The following SMIM14 variants were observed in gnomAD, a reference collection of about 807,000 sequenced individuals.
SMIM14 encodes the protein small integral membrane protein 14, also known as chromosome 4 open reading frame 34.
Under a neutral mutation model 12.6 loss-of-function variants are expected in SMIM14, and 5 were observed. That is an observed-to-expected ratio of 0.40 (90% CI 0.21 to 0.83). The LOEUF (loss-of-function observed/expected upper bound fraction) is 0.83, where lower values mean the gene tolerates loss of function less well. Ranked by LOEUF, SMIM14 falls within the 40% of genes least tolerant of loss-of-function variation. The pLI is 0.37. For missense variants in SMIM14, 86 were observed against 119.1 expected, an observed-to-expected ratio of 0.72 and a Z score of 1.29; for synonymous variants, 30 against 40.1, an observed-to-expected ratio of 0.75 and a Z score of 0.95.
chr4:39,598,497 T>C (rs1262043635), intron 2 of SMIM14, among the ~76,000 whole-genome samples: 3 of 152,178 alleles, frequency 2.0e-5, no homozygotes, highest in African/African-American at 7.2e-5. Context: ...TACCCATAGA[T>C]GTACCAGTAT....
intron 1 of SMIM14, among the ~76,000 whole-genome samples, chr4:39,618,456 G>A (rs1462765939): frequency 6.6e-6 from 1 of 151,932 alleles, no homozygotes; most frequent in Non-Finnish European, 1.5e-5. Context: ...AGATCAGCCT[G>A]GCCAAGATGG....
At position 39,551,860 on chromosome 4, in the gene SMIM14, G is replaced by A. The variant is rs1711731149; in HGVS notation, c.*266C>T. 3.4e-6 allele frequency: 1 copy of A among 291,064 alleles called. No individual in the cohort carries two copies. The highest frequency in any genetic ancestry group is 6.3e-6 in the Non-Finnish European group (1 of 157,552). The allele number at this position is 291,064 out of a possible 1,614,324, so 18.0% of individuals were successfully genotyped here. ...TACAAACAGAATGAGTGGAATGTTT[G>A]TAAGTTTAGGACAACCAAAAAAGCC... On this transcript the variant is annotated 3_prime_UTR_variant, in exon 5 of 5. Coordinates refer to ENST00000295958, the MANE Select transcript of SMIM14 (RefSeq NM_174921.3).
At chr4:39,591,080 G>A (rs1328270270) in intron 2 of SMIM14, among the ~76,000 whole-genome samples, 1 of 151,960 alleles carries the variant, frequency 6.6e-6, no homozygotes, top group South Asian at 2.1e-4. Context: ...AAATTGTATA[G>A]TATTTACATA....
At chr4:39,554,175 G>A (rs1711881436) in intron 4 of SMIM14, among the ~76,000 whole-genome samples, 1 of 152,116 alleles carries the variant, frequency 6.6e-6, no homozygotes, top group South Asian at 2.1e-4. Flanking sequence ...GGATAATTTG[G>A]TATACAAGTG....
At chr4:39,584,793 C>CAA (rs34970724) in intron 2 of SMIM14, among the ~76,000 whole-genome samples, 28,041 of 75,778 alleles carry the variant, frequency 0.37, 4,939 homozygotes, top group Non-Finnish European at 0.49. Flanking sequence ...AGGACCTTGT[C>CAA]AAAAAAAAAA....
At chr4:39,622,613 C>G (rs1715544154) in intron 1 of SMIM14, among the ~76,000 whole-genome samples, 2 of 152,172 alleles carry the variant, frequency 1.3e-5, no homozygotes, top group South Asian at 4.1e-4. Context: ...GTTGGCCAGG[C>G]TCGTCTGAAA....
At chr4:39,590,369 C>T (rs990092658) in intron 2 of SMIM14, among the ~76,000 whole-genome samples, 1 of 150,810 alleles carries the variant, frequency 6.6e-6, no homozygotes, top group African/African-American at 2.4e-5. Flanking sequence ...CCCGAGAATG[C>T]GCCATTGCAC....
chr4:39,635,795 C>A (rs117681014), intron 1 of SMIM14, among the ~76,000 whole-genome samples: 3 of 152,082 alleles, frequency 2.0e-5, no homozygotes, highest in Non-Finnish European at 2.9e-5. Context: ...ATGAAGAGGA[C>A]GTTTCCTTCC....
At position 39,558,555 on chromosome 4, in the gene SMIM14, C is replaced by A. The variant is rs1271357210; in HGVS notation, c.125-1985G>T. 6.6e-6 allele frequency among the ~76,000 whole-genome samples: 1 copy of A among 152,036 alleles called. No individual in the cohort carries two copies. Among genetic ancestry groups the A allele is most frequent in the South Asian group, 2.1e-4 (1 of 4,824 alleles). On this transcript the variant is annotated intron_variant, in intron 3 of 4. Transcript: ENST00000295958. This position sits in a 1 kb window ranked among gnomAD's most constrained non-coding sequence, Gnocchi z 4.3. ...GGGCTCCGTGGGAACTTGCATAGGG[C>A]GGAGTGGGCTTACCTAAAAAAACCC... is the stretch of plus-strand genomic sequence containing the variant.
At chr4:39,618,739 A>G (rs1167419975) in intron 1 of SMIM14, among the ~76,000 whole-genome samples, 4 of 151,822 alleles carry the variant, frequency 2.6e-5, no homozygotes, top group Admixed American at 2.6e-4. Flanking sequence ...CTCACTGACT[A>G]CACTTCCCAA....
chr4:39,614,888 A>AT (rs1715162806), intron 1 of SMIM14, among the ~76,000 whole-genome samples: 1 of 152,150 alleles, frequency 6.6e-6, no homozygotes, highest in South Asian at 2.1e-4. Context: ...GGTCCAGGTC[A>AT]TTTTCTCTCC....
At chr4:39,607,095 A>T (rs1005588170) in intron 1 of SMIM14, among the ~76,000 whole-genome samples, 4 of 152,190 alleles carry the variant, frequency 2.6e-5, no homozygotes, top group African/African-American at 9.7e-5. Context: ...TGAGCCCAAG[A>T]GTTCAAGGCC....
In SMIM14 at chr4:39,558,522, T is replaced by C. The variant is rs1048949474; in HGVS notation, c.125-1952A>G. Among the ~76,000 whole-genome samples, 3 of 152,158 alleles carry C rather than the reference T, an allele frequency of 2.0e-5. No homozygotes were observed. The highest frequency in any genetic ancestry group is 7.2e-5 in the African/African-American group (3 of 41,448). On this transcript the variant is annotated intron_variant, in intron 3 of 4. Coordinates refer to ENST00000295958, the MANE Select transcript of SMIM14 (RefSeq NM_174921.3). This position sits in a 1 kb window ranked among gnomAD's most constrained non-coding sequence, Gnocchi z 4.3. ...AAGTTTCCTCCCCTTTTCAGGCATA[T>C]ACACAGTGGGCTCCGTGGGAACTTG...
At chr4:39,591,902 T>C (rs776496711) in intron 2 of SMIM14, among the ~76,000 whole-genome samples, 11 of 152,084 alleles carry the variant, frequency 7.2e-5, no homozygotes, top group African/African-American at 1.4e-4. Context: ...TATAATAACA[T>C]AGTCAGAGAA....
rs1747371712 is a variant in SMIM14 at position 39,547,042 on chromosome 4, G to C, written c.*5084C>G. 6.6e-6 allele frequency: 1 copy of C among 152,212 alleles called. No homozygotes were observed. The highest frequency in any genetic ancestry group is 1.5e-5 in the Non-Finnish European group (1 of 68,026). The allele number at this position is 152,212 out of a possible 1,614,324, so 9.4% of individuals were successfully genotyped here. On this transcript the variant is annotated 3_prime_UTR_variant, in exon 5 of 5. Transcript: ENST00000295958. Reference sequence around the variant, plus strand: ...TATTTTACCTGGTATTCTAGGAAGAGAGAGAGAAAGAAAATAACCAAAGAA... The same window carrying C: ...TATTTTACCTGGTATTCTAGGAAGACAGAGAGAAAGAAAATAACCAAAGAA...
intron 1 of SMIM14, among the ~76,000 whole-genome samples, chr4:39,620,172 C>T (rs1418571114): frequency 6.8e-6 from 1 of 147,428 alleles, no homozygotes; most frequent in Non-Finnish European, 1.5e-5. Context: ...GATCCCATCT[C>T]TATTAAGAAA....
intron 4 of SMIM14, among the ~76,000 whole-genome samples, chr4:39,552,738 C>A (rs1227905862): frequency 1.3e-5 from 2 of 152,098 alleles, no homozygotes; most frequent in Non-Finnish European, 2.9e-5. Flanking sequence ...ACTGACCCTA[C>A]CTCTGAATTT....
At chr4:39,571,618 T>C (rs1049271349) in intron 3 of SMIM14, among the ~76,000 whole-genome samples, 2 of 151,966 alleles carry the variant, frequency 1.3e-5, no homozygotes, top group Non-Finnish European at 2.9e-5. Flanking sequence ...AAAAAAAGAA[T>C]TCTCAAGCCT....
intron 2 of SMIM14, among the ~76,000 whole-genome samples, chr4:39,586,051 A>C (rs1190532224): frequency 6.6e-6 from 1 of 152,012 alleles, no homozygotes; most frequent in Non-Finnish European, 1.5e-5. Flanking sequence ...CCTCCCTTTT[A>C]GTTCAACCTG....
Sources: allele counts gnomAD v4.1 joint callset (sites outside exome capture counted in the v4.1 genomes callset), GRCh38; gene constraint gnomAD v4.1.1; non-coding constraint Gnocchi (gnomAD v3.1); transcripts MANE v1.5; gene names NCBI Gene and HGNC (gene_info 2026-07-23, HGNC 2026-07-21).